ARHGEF17: variants seen among roughly 807,000 people sequenced by gnomAD.
ARHGEF17 encodes the protein Rho guanine nucleotide exchange factor 17, also known as 164 kDa Rho-specific guanine-nucleotide exchange factor.
ARHGEF17 carries 80 observed loss-of-function variants against 174.0 expected under a neutral mutation model. The observed-to-expected ratio is 0.46, with a 90% CI of 0.38 to 0.55. ARHGEF17 has a LOEUF of 0.55. Ranked by LOEUF, ARHGEF17 falls within the 20% of genes least tolerant of loss-of-function variation. ARHGEF17 has a pLI of 0.00. For missense variants in ARHGEF17, 2,886 were observed against 2,839.7 expected, an observed-to-expected ratio of 1.02 and a Z score of -0.37; for synonymous variants, 1,311 against 1,189.1, an observed-to-expected ratio of 1.10 and a Z score of -2.11.
chr11:73,317,557 G>C (rs1018055815), intron 1 of ARHGEF17, among the ~76,000 whole-genome samples: 4 of 152,244 alleles, frequency 2.6e-5, no homozygotes, highest in African/African-American at 9.6e-5. Flanking sequence ...TTCCCAGAAA[G>C]GCTTGAAGCC....
At chr11:73,337,406 G>GAA (rs199793636) in intron 1 of ARHGEF17, among the ~76,000 whole-genome samples, 9 of 48,162 alleles carry the variant, frequency 1.9e-4, no homozygotes, top group African/African-American at 2.7e-4. Flanking sequence ...CCTGTCTCAA[G>GAA]AAAAAAAAAA....
chr11:73,350,372 GAC>G (rs1447114108), intron 2 of ARHGEF17, among the ~76,000 whole-genome samples: 1 of 152,170 alleles, frequency 6.6e-6, no homozygotes, highest in Non-Finnish European at 1.5e-5. Context: ...ATGCAGCTGA[GAC>G]ACAGAGAAGT....
Position 73,310,097 on chromosome 11 carries a change from G to A in ARHGEF17, c.1459G>A (p.Val487Ile), listed in dbSNP as rs1864787865. The A allele has an allele frequency of 6.2e-7, 1 of 1,614,128 alleles. No homozygotes were observed. Among genetic ancestry groups the A allele is most frequent in the Non-Finnish European group, 8.5e-7 (1 of 1,180,020 alleles). Residue 487 changes from valine to isoleucine, a missense_variant, in exon 1 of 21, where the codon GTC (valine) becomes ATC (isoleucine). Transcript: ENST00000263674. ...FLRSDLSELR[V>I]RKPGGSSGDR... ...GCGCTCAGACCTTTCAGAGCTGAGGGTCCGAAAACCTGGTGGGAGCTCCGG... is the reference window on the plus strand; with the variant it reads ...GCGCTCAGACCTTTCAGAGCTGAGGATCCGAAAACCTGGTGGGAGCTCCGG...
intron 3 of ARHGEF17, among the ~76,000 whole-genome samples, chr11:73,355,174 G>C (rs1865615983): frequency 6.6e-6 from 1 of 152,242 alleles, no homozygotes; most frequent in Admixed American, 6.5e-5. Flanking sequence ...TCAGAGAATG[G>C]GGAAAGGGAG....
intron 1 of ARHGEF17, among the ~76,000 whole-genome samples, chr11:73,338,298 C>G (rs1865317212): frequency 6.6e-6 from 1 of 152,192 alleles, no homozygotes; most frequent in East Asian, 1.9e-4. Context: ...AGTAAGTGGC[C>G]AAGCCAGGAT....
At chr11:73,346,352 C>T (rs1245080440) in intron 1 of ARHGEF17, among the ~76,000 whole-genome samples, 1 of 152,150 alleles carries the variant, frequency 6.6e-6, no homozygotes, top group Admixed American at 6.5e-5. Flanking sequence ...AGCTGTGTGA[C>T]CTTCAGCACT....
chr11:73,346,760 G>A (rs1865467587), intron 1 of ARHGEF17, 123 bp from the exon 2 acceptor site: 2 of 727,916 alleles, frequency 2.7e-6, no homozygotes, highest in Admixed American at 4.0e-5. Flanking sequence ...CTGGGCGGCA[G>A]GAGGGAAGGG....
intron 18 of ARHGEF17, 55 bp downstream of exon 18, chr11:73,364,655 G>T: frequency 6.4e-7 from 1 of 1,559,642 alleles, no homozygotes; most frequent in South Asian, 1.2e-5. Context: ...AGGTCCGTGT[G>T]ACAGGGAGAT....
At chr11:73,364,382 C>A in intron 17 of ARHGEF17, 70 bp from the exon 18 acceptor site, 1 of 1,608,784 alleles carries the variant, frequency 6.2e-7, no homozygotes, top group Admixed American at 1.7e-5. Flanking sequence ...GTTAACATCT[C>A]ATTTCAGGGG....
chr11:73,318,744 G>T (rs1004150563), intron 1 of ARHGEF17, among the ~76,000 whole-genome samples: 1 of 152,238 alleles, frequency 6.6e-6, no homozygotes, highest in Admixed American at 6.5e-5. Context: ...CACACCCGAG[G>T]TGGGAAGACC....
In ARHGEF17 at chr11:73,309,154, C is replaced by CCCT. The variant is rs1206590282; in HGVS notation, c.518_520dup (p.Pro173dup). The CCCT allele has an allele frequency of 6.3e-7, 1 of 1,587,988 alleles. No homozygotes were observed. The highest frequency in any genetic ancestry group is 8.6e-7 in the Non-Finnish European group (1 of 1,168,568). On this transcript the variant is annotated inframe_insertion, in exon 1 of 21. Transcript: ENST00000263674. ...AGTCGCGGCAGCCACCGACGCCACC[C>CCCT]CCTCGGACATGCTTCCCCCTGGCGG...
intron 1 of ARHGEF17, among the ~76,000 whole-genome samples, chr11:73,318,235 A>T (rs780471421): frequency 2.0e-5 from 3 of 151,954 alleles, no homozygotes; most frequent in African/African-American, 4.8e-5. Context: ...CTCCTGCTCT[A>T]GGATCCCCCC....
chr11:73,364,401 G>A (rs747568917), intron 17 of ARHGEF17, 51 bp from the exon 18 acceptor site: 4 of 1,611,796 alleles, frequency 2.5e-6, no homozygotes, highest in Non-Finnish European at 3.4e-6. Context: ...GGAGACCGAG[G>A]CTCAAATTTA....
intron 1 of ARHGEF17, among the ~76,000 whole-genome samples, chr11:73,315,054 A>C (rs56334857): frequency 0.13 from 19,701 of 152,212 alleles, 1,580 homozygotes; most frequent in African/African-American, 0.23. Context: ...TCATTCTTCA[A>C]CTGTGAAAGC....
At position 73,311,218 on chromosome 11, in the gene ARHGEF17, C is replaced by A; in HGVS notation, c.2580C>A (p.Ser860=). ...IREVEPMLPP[S]SSEPILVEQR... ...AAGTTGAGCCCATGCTGCCTCCATC[C>A]AGCAGCGAGCCCATCCTTGTAGAGC... Residue 860 remains serine (S), a synonymous_variant, in exon 1 of 21, where the codon TCC becomes TCA. Coordinates refer to ENST00000263674, the MANE Select transcript of ARHGEF17 (RefSeq NM_014786.4). 6.2e-7 allele frequency: 1 copy of A among 1,605,164 alleles called. No individual in the cohort carries two copies.
At chr11:73,355,690 C>G in intron 4 of ARHGEF17, 41 bp downstream of exon 4, 1 of 1,593,764 alleles carries the variant, frequency 6.3e-7, no homozygotes, top group African/African-American at 1.3e-5. Context: ...TGACCCTCAC[C>G]TTGGGCCAGC....
At chr11:73,342,156 G>A (rs113647379) in intron 1 of ARHGEF17, among the ~76,000 whole-genome samples, 9 of 78,350 alleles carry the variant, frequency 1.1e-4, no homozygotes, top group African/African-American at 2.5e-4. Flanking sequence ...CAGTCTAGGG[G>A]TGGGAGCACA....
At position 73,311,618 on chromosome 11, in the gene ARHGEF17, G is replaced by A; in HGVS notation, c.2980G>A (p.Ala994Thr). ...VPEPIGFPTRAHPTLQAPSLE... is the reference protein window; with the variant it reads ...VPEPIGFPTRTHPTLQAPSLE... ...AGAACCCATAGGCTTCCCTACCCGA[G>A]CCCATCCCACGTTGCAGGCACCATC... The change falls in exon 1 of 21, where the codon GCC (alanine) becomes ACC (threonine). Residue 994 changes from alanine to threonine, a missense_variant. Physicochemically the swap from Ala to Thr is moderately conservative, Grantham distance 58. Transcript: ENST00000263674. 6.2e-7 allele frequency: 1 copy of A among 1,613,272 alleles called. No individual in the cohort carries two copies. Among genetic ancestry groups the A allele is most frequent in the Non-Finnish European group, 8.5e-7 (1 of 1,179,898 alleles).
In ARHGEF17 at chr11:73,360,251, A is replaced by C. The variant is rs899985172; in HGVS notation, c.4207-69A>C. ...TGTCTAAGGAGAGAGGCAGGTCCCC[A>C]CACATTAAGGGCAGGTGCAGGCTCT... On this transcript the variant is annotated intron_variant, in intron 10 of 20. Transcript: ENST00000263674. The C allele has an allele frequency of 3.9e-6, 6 of 1,554,052 alleles. No homozygotes were observed. In the East Asian group the frequency reaches 9.0e-5, roughly 23 times the overall value.
Sources: gnomAD v4.1 joint callset for allele counts (sites outside exome capture counted in the v4.1 genomes callset) on GRCh38, gnomAD v4.1.1 for gene constraint, MANE v1.5 for transcripts, NCBI Gene and HGNC (gene_info 2026-07-23, HGNC 2026-07-21) for gene names.